The following B3GALT1 variants were observed in gnomAD, a reference collection of about 807,000 sequenced individuals.
B3GALT1 encodes the protein UDP-Gal:betaGlcNAc beta 1,3-galactosyltransferase, polypeptide 1.
In B3GALT1, 10 loss-of-function variants were observed where a neutral mutation model predicts 23.2. The ratio of observed to expected loss-of-function variants is 0.43; its 90% confidence interval spans 0.27 to 0.73. The LOEUF (loss-of-function observed/expected upper bound fraction) is 0.73. B3GALT1 is among the 30% of genes least tolerant of loss of function. The pLI is 0.21. For missense variants in B3GALT1, 299 were observed against 405.4 expected, an observed-to-expected ratio of 0.74 and a Z score of 2.25; for synonymous variants, 156 against 141.5, an observed-to-expected ratio of 1.10 and a Z score of -0.73.
At chr2:167,525,305 C>G (rs1683201440) in intron 2 of B3GALT1, among the ~76,000 whole-genome samples, 1 of 151,878 alleles carries the variant, frequency 6.6e-6, no homozygotes, top group Non-Finnish European at 1.5e-5. Flanking sequence ...TTTTTATTTT[C>G]TAAATTGGAA....
intron 2 of B3GALT1, among the ~76,000 whole-genome samples, chr2:167,507,229 G>A (rs58116928): frequency 0.027 from 4,096 of 151,726 alleles, 167 homozygotes; most frequent in East Asian, 0.17. Flanking sequence ...ATAAGAGGGC[G>A]GGTGCAGTGG....
intron 2 of B3GALT1, among the ~76,000 whole-genome samples, chr2:167,515,708 C>A (rs1049608834): frequency 6.6e-6 from 1 of 152,080 alleles, no homozygotes; most frequent in Non-Finnish European, 1.5e-5. Flanking sequence ...TGACACCCAT[C>A]ATAGAGCAAG....
intron 1 of B3GALT1, among the ~76,000 whole-genome samples, chr2:167,356,882 G>A (rs73017792): frequency 0.01 from 1,572 of 151,904 alleles, 32 homozygotes; most frequent in African/African-American, 0.035. Context: ...CTTGGTTCAC[G>A]TATAGTCAGA....
At chr2:167,320,190 C>CTTT (rs35189136) in intron 1 of B3GALT1, among the ~76,000 whole-genome samples, 1 of 142,316 alleles carries the variant, frequency 7.0e-6, no homozygotes, top group African/African-American at 2.6e-5. Context: ...GAGCTATCTC[C>CTTT]TTTTTTTTTT....
chr2:167,712,986 A>T (rs1156875596), intron 3 of B3GALT1, among the ~76,000 whole-genome samples: 2 of 152,254 alleles, frequency 1.3e-5, no homozygotes, highest in African/African-American at 4.8e-5. Flanking sequence ...GATAATGTCC[A>T]TATGGGAATA....
At chr2:167,636,069 C>G (rs115699054) in intron 2 of B3GALT1, among the ~76,000 whole-genome samples, 3 of 151,454 alleles carry the variant, frequency 2.0e-5, no homozygotes, top group Admixed American at 2.0e-4. Context: ...TTGACAAACC[C>G]GACAAAAACC....
At chr2:167,743,376 A>T (rs1294981849) in intron 3 of B3GALT1, among the ~76,000 whole-genome samples, 1 of 152,110 alleles carries the variant, frequency 6.6e-6, no homozygotes, top group African/African-American at 2.4e-5. Flanking sequence ...GAACAGCAGT[A>T]TTTTGTATAG....
chr2:167,558,852 C>A (rs1001054155), intron 2 of B3GALT1, among the ~76,000 whole-genome samples: 2 of 152,348 alleles, frequency 1.3e-5, no homozygotes, highest in Non-Finnish European at 2.9e-5. Context: ...GGCCTGCCTG[C>A]CTCTGTAGGC....
chr2:167,387,959 A>G (rs1559082075), intron 1 of B3GALT1, among the ~76,000 whole-genome samples: 1 of 152,248 alleles, frequency 6.6e-6, no homozygotes, highest in African/African-American at 2.4e-5. Flanking sequence ...GCCACCTATT[A>G]CATCACTAAT....
chr2:167,828,029 G>T (rs1463161102), intron 4 of B3GALT1, among the ~76,000 whole-genome samples: 1 of 152,136 alleles, frequency 6.6e-6, no homozygotes, highest in Non-Finnish European at 1.5e-5. Context: ...TTAAGTAAGG[G>T]TTTATTTCCC....
chr2:167,788,036 GGAGCCAGAA>G (rs1688371901), intron 3 of B3GALT1, among the ~76,000 whole-genome samples: 1 of 152,148 alleles, frequency 6.6e-6, no homozygotes, highest in Admixed American at 6.5e-5. Context: ...TGGCCCTGGT[GGAGCCAGAA>G]GTGGCACAGA....
Position 167,535,733 on chromosome 2 carries a change from TA to T in B3GALT1, c.-410+45465del, listed in dbSNP as rs375553425. On this transcript the variant is annotated intron_variant, in intron 2 of 4. Transcript: ENST00000392690. ...AGATTGGAAAAGTTTTCTTCTGTAT[TA>T]AAAAAAAATGTGGTTTTTATCATTT... Among the ~76,000 whole-genome samples the T allele has an allele frequency of 1.3e-3, 197 of 151,362 alleles. 2 individuals are homozygous for T. The highest frequency in any genetic ancestry group is 4.0e-3 in the African/African-American group (164 of 41,298).
intron 4 of B3GALT1, among the ~76,000 whole-genome samples, chr2:167,825,574 CAG>C (rs1203012802): frequency 6.6e-6 from 1 of 151,604 alleles, no homozygotes; most frequent in Admixed American, 6.6e-5. Context: ...TTGTCAGACT[CAG>C]AGTACACCAT....
At chr2:167,369,054 C>A (rs1042114840) in intron 1 of B3GALT1, among the ~76,000 whole-genome samples, 11 of 143,896 alleles carry the variant, frequency 7.6e-5, no homozygotes, top group African/African-American at 2.9e-4. Context: ...GAAGATAAAA[C>A]TCTTATTTGT....
At chr2:167,616,733 T>C (rs1018723706) in intron 2 of B3GALT1, among the ~76,000 whole-genome samples, 1 of 151,974 alleles carries the variant, frequency 6.6e-6, no homozygotes. Flanking sequence ...GAATATATAC[T>C]GAAATGTTAA....
intron 1 of B3GALT1, among the ~76,000 whole-genome samples, chr2:167,360,799 T>C (rs1697487432): frequency 6.6e-6 from 1 of 152,192 alleles, no homozygotes; most frequent in African/African-American, 2.4e-5. Context: ...TATCAAATAC[T>C]AGAACATATT....
chr2:167,446,242 T>G (rs1186337193), intron 1 of B3GALT1, among the ~76,000 whole-genome samples: 1 of 152,198 alleles, frequency 6.6e-6, no homozygotes, highest in Non-Finnish European at 1.5e-5. Context: ...TGCTGTTAGT[T>G]TCTTGGGCTT....
intron 3 of B3GALT1, among the ~76,000 whole-genome samples, chr2:167,664,684 T>A (rs1686139472): frequency 6.6e-6 from 1 of 152,208 alleles, no homozygotes; most frequent in Non-Finnish European, 1.5e-5. Flanking sequence ...TCACATCCCT[T>A]GTAAGTTGGA....
At chr2:167,516,249 G>C (rs1367393955) in intron 2 of B3GALT1, among the ~76,000 whole-genome samples, 1 of 151,880 alleles carries the variant, frequency 6.6e-6, no homozygotes. Context: ...GTGATTTTTT[G>C]TTAGGACTGA....
Sources: allele counts gnomAD v4.1 joint callset (sites outside exome capture counted in the v4.1 genomes callset), GRCh38; gene constraint gnomAD v4.1.1; transcripts MANE v1.5; gene names NCBI Gene and HGNC (gene_info 2026-07-23, HGNC 2026-07-21).